The following ARHGAP6 variants were observed in gnomAD, a reference collection of about 807,000 sequenced individuals.
ARHGAP6 encodes rho GTPase-activating protein 6.
ARHGAP6 carries 16 observed loss-of-function variants against 55.7 expected under a neutral mutation model. That is an observed-to-expected ratio of 0.29 (90% confidence interval 0.19 to 0.44). ARHGAP6 has a LOEUF of 0.44. ARHGAP6 is among the 20% of genes least tolerant of loss of function. The pLI is 1.00. For missense variants in ARHGAP6, 698 were observed against 808.9 expected, an observed-to-expected ratio of 0.86 and a Z score of 1.66; for synonymous variants, 382 against 360.9, an observed-to-expected ratio of 1.06 and a Z score of -0.66.
intron 1 of ARHGAP6, among the ~76,000 whole-genome samples, chrX:11,414,332 A>G (rs1035224400): frequency 8.0e-5 from 9 of 111,973 alleles, no homozygotes. Flanking sequence ...TAAAATCTGT[A>G]TTTCATAAAA....
intron 1 of ARHGAP6, among the ~76,000 whole-genome samples, chrX:11,505,823 TCACTTA>T (rs1322604222): frequency 1.8e-5 from 2 of 111,269 alleles, no homozygotes; most frequent in African/African-American, 6.6e-5. Flanking sequence ...CCACATGTTC[TCACTTA>T]TAAGTGAGAG....
chrX:11,287,026 A>G (rs2047929587), intron 1 of ARHGAP6, among the ~76,000 whole-genome samples: 1 of 112,054 alleles, frequency 8.9e-6, no homozygotes. Context: ...AAAATATACT[A>G]AAACCCACTC....
chrX:11,275,892 G>A (rs911432641), intron 1 of ARHGAP6, among the ~76,000 whole-genome samples: 6 of 111,429 alleles, frequency 5.4e-5, no homozygotes, highest in Non-Finnish European at 9.4e-5. Context: ...AAGCCCTGTC[G>A]TCCCCCTACA....
At chrX:11,474,537 T>C (rs775939201) in intron 1 of ARHGAP6, among the ~76,000 whole-genome samples, 5 of 112,450 alleles carry the variant, frequency 4.4e-5, no homozygotes, top group African/African-American at 1.3e-4. Flanking sequence ...AAGCCCTTTT[T>C]CTTAGTCATA....
chrX:11,475,750 A>G (rs1259275717), intron 1 of ARHGAP6, among the ~76,000 whole-genome samples: 1 of 109,953 alleles, frequency 9.1e-6, no homozygotes, highest in Non-Finnish European at 1.9e-5. Context: ...AATTAAAAAC[A>G]AAAACAACTC....
chrX:11,415,590 C>T (rs1030732395), intron 1 of ARHGAP6, among the ~76,000 whole-genome samples: 4 of 112,282 alleles, frequency 3.6e-5, no homozygotes, highest in African/African-American at 6.5e-5. Flanking sequence ...ATCCTTACCA[C>T]AGCCCCATCA....
chrX:11,643,374 G>GA (rs2052495040), intron 1 of ARHGAP6, among the ~76,000 whole-genome samples: 1 of 111,819 alleles, frequency 8.9e-6, no homozygotes, highest in Admixed American at 9.5e-5. Context: ...TGCAATTTGG[G>GA]AAAAAATGTT....
chrX:11,238,255 A>C (rs1454834183), intron 2 of ARHGAP6, among the ~76,000 whole-genome samples: 1 of 112,875 alleles, frequency 8.9e-6, no homozygotes, highest in Non-Finnish European at 1.9e-5. Flanking sequence ...ACTTTGGGAC[A>C]CAATAGCAAT....
At position 11,483,947 on chromosome X, in the gene ARHGAP6, T is replaced by C. The variant is rs1176051251; in HGVS notation, c.588+180294A>G. Among the ~76,000 whole-genome samples the C allele has an allele frequency of 8.1e-5, 9 of 111,791 alleles. No individual in the cohort carries two copies. In the East Asian group the frequency reaches 1.4e-3, roughly 17 times the overall value. On this transcript the variant is annotated intron_variant, in intron 1 of 12. Coordinates refer to ENST00000337414, the MANE Select transcript of ARHGAP6 (RefSeq NM_013427.3). ...GCTCTTATACTAATGTTAATTCTTA[T>C]AGTGACACCGTCTTCAACTCTCTTA...
intron 1 of ARHGAP6, among the ~76,000 whole-genome samples, chrX:11,643,760 G>A (rs1039352319): frequency 1.8e-5 from 2 of 111,276 alleles, no homozygotes; most frequent in African/African-American, 6.5e-5. Context: ...AAGTGACAGT[G>A]CATAGTTTCT....
intron 2 of ARHGAP6, among the ~76,000 whole-genome samples, chrX:11,227,459 C>T (rs1245149437): frequency 1.8e-5 from 2 of 111,720 alleles, no homozygotes; most frequent in Non-Finnish European, 3.8e-5. Flanking sequence ...AGACCTCATT[C>T]TTCCTTGCTT....
At chrX:11,166,826 A>G (rs976460269) in intron 9 of ARHGAP6, among the ~76,000 whole-genome samples, 2 of 110,206 alleles carry the variant, frequency 1.8e-5, no homozygotes, top group Admixed American at 1.9e-4. Flanking sequence ...TGTAGCCAAT[A>G]TATAACAGGG....
At chrX:11,596,596 A>G (rs940030709) in intron 1 of ARHGAP6, among the ~76,000 whole-genome samples, 5 of 110,760 alleles carry the variant, frequency 4.5e-5, no homozygotes, top group African/African-American at 1.3e-4. Flanking sequence ...AACTTAGACT[A>G]CTCCTCCATA....
intron 1 of ARHGAP6, among the ~76,000 whole-genome samples, chrX:11,259,635 G>A (rs1173960773): frequency 8.9e-6 from 1 of 112,333 alleles, no homozygotes; most frequent in Non-Finnish European, 1.9e-5. Flanking sequence ...GAAACTGAGA[G>A]TAAGCATGAC....
At chrX:11,279,046 C>A (rs2047816606) in intron 1 of ARHGAP6, among the ~76,000 whole-genome samples, 1 of 111,400 alleles carries the variant, frequency 9.0e-6, no homozygotes, top group Admixed American at 9.5e-5. Context: ...CAGGATGCCA[C>A]TCTGTCTTGC....
At chrX:11,592,879 T>A (rs1180404971) in intron 1 of ARHGAP6, among the ~76,000 whole-genome samples, 1 of 111,419 alleles carries the variant, frequency 9.0e-6, no homozygotes, top group Non-Finnish European at 1.9e-5. Flanking sequence ...CTGGTGAAAT[T>A]TCTGGCCAGA....
At chrX:11,635,961 A>G (rs746170034) in intron 1 of ARHGAP6, among the ~76,000 whole-genome samples, 1 of 111,659 alleles carries the variant, frequency 9.0e-6, no homozygotes, top group Admixed American at 9.5e-5. Context: ...TATATAAAAC[A>G]TCTTAATTTC....
At chrX:11,181,679 G>T (rs981930816) in intron 6 of ARHGAP6, among the ~76,000 whole-genome samples, 6 of 112,698 alleles carry the variant, frequency 5.3e-5, no homozygotes, top group Non-Finnish European at 1.1e-4. Flanking sequence ...AGCATCTTAT[G>T]TGAAGGGAAT....
chrX:11,229,368 T>C (rs1241916234), intron 2 of ARHGAP6, among the ~76,000 whole-genome samples: 1 of 112,246 alleles, frequency 8.9e-6, no homozygotes, highest in African/African-American at 3.2e-5. Context: ...GACATCAAAA[T>C]GCCATTTAGT....
Sources: gnomAD v4.1 joint callset for allele counts (sites outside exome capture counted in the v4.1 genomes callset) on GRCh38, gnomAD v4.1.1 for gene constraint, MANE v1.5 for transcripts, NCBI Gene and HGNC (gene_info 2026-07-23, HGNC 2026-07-21) for gene names.